Variants in TASP1 observed in about 807,000 individuals in gnomAD.
TASP1 encodes threonine aspartase 1.
TASP1 carries 16 observed loss-of-function variants against 56.6 expected under a neutral mutation model. That is an observed-to-expected ratio of 0.28 (90% CI 0.19 to 0.43). The LOEUF is 0.43. TASP1 is among the 20% of genes least tolerant of loss of function. The pLI is 1.00. For synonymous variants in TASP1, 179 were observed against 184.2 expected, an observed-to-expected ratio of 0.97 and a Z score of 0.23; for missense variants, 393 against 511.6, an observed-to-expected ratio of 0.77 and a Z score of 2.24.
At chr20:13,217,578 C>A in the TASP1 span, among the ~76,000 whole-genome samples, 4 of 152,040 alleles carry the variant, frequency 2.6e-5, no homozygotes, top group Non-Finnish European at 5.9e-5. Context: ...TAATGAAAGA[C>A]AAAATCTACG....
At chr20:13,617,114 G>C (rs1448671017) in intron 4 of TASP1, 1 of 454,238 alleles carries the variant, frequency 2.2e-6, no homozygotes, top group Non-Finnish European at 4.4e-6. Flanking sequence ...GTGTAACTGT[G>C]TGTGTACACC....
Position 13,629,930 on chromosome 20 carries a change from T to A in TASP1, c.145+4A>T. The A allele has an allele frequency of 1.2e-6, 2 of 1,613,378 alleles. No homozygotes were observed. Among genetic ancestry groups the A allele is most frequent in the Non-Finnish European group, 1.7e-6 (2 of 1,179,734 alleles). On this transcript the variant is annotated splice_donor_region_variant and intron_variant, in intron 2 of 13. Transcript: ENST00000337743. ...GCATCTTCCAAGCCATCCACAAAGC[T>A]TACCTGCATGCACCAACACAAAGCC... is the stretch of plus-strand genomic sequence containing the variant.
chr20:13,479,896 C>T (rs2043078028), intron 11 of TASP1, among the ~76,000 whole-genome samples: 1 of 152,086 alleles, frequency 6.6e-6, no homozygotes, highest in Non-Finnish European at 1.5e-5. Context: ...CGTATTTGCC[C>T]CCTCCTTTTA....
chr20:13,603,667 C>A (rs1320992402), intron 4 of TASP1, among the ~76,000 whole-genome samples: 1 of 152,156 alleles, frequency 6.6e-6, no homozygotes, highest in Non-Finnish European at 1.5e-5. Flanking sequence ...CCATACATAA[C>A]GCAGTAAGAC....
At chr20:13,469,647 G>A (rs1389293538) in intron 11 of TASP1, among the ~76,000 whole-genome samples, 1 of 152,042 alleles carries the variant, frequency 6.6e-6, no homozygotes, top group Non-Finnish European at 1.5e-5. Context: ...GTCAAAGAAG[G>A]TTAACTTCTG....
the TASP1 span, among the ~76,000 whole-genome samples, chr20:13,382,258 T>C: frequency 6.6e-6 from 1 of 152,232 alleles, no homozygotes; most frequent in African/African-American, 2.4e-5. Flanking sequence ...TGTTTTATGC[T>C]CTTAGAACAT....
chr20:13,323,459 C>A, the TASP1 span, among the ~76,000 whole-genome samples: 837 of 152,258 alleles, frequency 5.5e-3, 9 homozygotes, highest in African/African-American at 0.018. Context: ...AAGAACTCAG[C>A]CCTATTCCTT....
chr20:13,449,963 T>A (rs2043555400), intron 11 of TASP1, among the ~76,000 whole-genome samples: 1 of 152,086 alleles, frequency 6.6e-6, no homozygotes, highest in South Asian at 2.1e-4. Flanking sequence ...CTTCTCTATA[T>A]AAAGGCATAC....
the TASP1 span, among the ~76,000 whole-genome samples, chr20:13,151,455 A>G: frequency 6.6e-6 from 1 of 152,338 alleles, no homozygotes; most frequent in South Asian, 2.1e-4. Context: ...TCCCTAAGAA[A>G]GAACAATAAG....
the TASP1 span, among the ~76,000 whole-genome samples, chr20:13,203,580 AAATT>A: frequency 4.6e-5 from 7 of 152,246 alleles, no homozygotes; most frequent in Admixed American, 6.5e-5. Flanking sequence ...ATTAATGGAT[AAATT>A]AATTAATTAA....
chr20:13,527,718 C>G (rs939206384), intron 10 of TASP1, among the ~76,000 whole-genome samples: 1 of 151,980 alleles, frequency 6.6e-6, no homozygotes, highest in Non-Finnish European at 1.5e-5. Flanking sequence ...AAGTGTCGTT[C>G]AAGGACTGAA....
At chr20:13,420,133 T>A (rs2042385540) in intron 12 of TASP1, among the ~76,000 whole-genome samples, 2 of 152,176 alleles carry the variant, frequency 1.3e-5, no homozygotes, top group Non-Finnish European at 2.9e-5. Context: ...AGAAAAATCA[T>A]AAAAATATAG....
chr20:13,449,158 C>T (rs747841597), intron 11 of TASP1, among the ~76,000 whole-genome samples: 3 of 151,984 alleles, frequency 2.0e-5, no homozygotes. Flanking sequence ...CCGAGCAATG[C>T]CTTTTGCTTC....
the TASP1 span, chr20:13,164,440 C>T: frequency 1.4e-5 from 7 of 495,120 alleles, no homozygotes; most frequent in East Asian, 4.2e-4. Context: ...ATATAAGTCA[C>T]TACATTTTAA....
intron 9 of TASP1, 44 bp downstream of exon 9, chr20:13,533,978 G>A: frequency 8.3e-6 from 13 of 1,570,076 alleles, no homozygotes; most frequent in Non-Finnish European, 1.0e-5. Context: ...AAAATTCCAT[G>A]CTTTACTTTG....
At chr20:13,504,226 G>T (rs928362820) in intron 10 of TASP1, among the ~76,000 whole-genome samples, 1 of 151,708 alleles carries the variant, frequency 6.6e-6, no homozygotes, top group Non-Finnish European at 1.5e-5. Context: ...TCACATACAA[G>T]AAAATTCCCA....
the TASP1 span, among the ~76,000 whole-genome samples, chr20:13,264,889 G>A: frequency 6.6e-6 from 1 of 152,160 alleles, no homozygotes; most frequent in South Asian, 2.1e-4. Context: ...ATGAGAATGA[G>A]GAAGGAGGGA....
rs2041217544 is a variant in TASP1 at position 13,390,139 on chromosome 20, TGCGCACATAC to T, written c.*211_*220del. 2 of 499,890 alleles carry T rather than the reference TGCGCACATAC, an allele frequency of 4.0e-6. No individual in the cohort carries two copies. The highest frequency in any genetic ancestry group is 7.3e-6 in the Non-Finnish European group (2 of 272,764). 31.0% of individuals were successfully genotyped at this position (499,890 alleles called of 1,614,324 possible). On this transcript the variant is annotated 3_prime_UTR_variant, in exon 14 of 14. Transcript: ENST00000337743. Reference sequence around the variant, plus strand: ...CACATACTCCACACATACACATATGTGCGCACATACGCGCACACACTCACACACAGTCCCG... The same window carrying T: ...CACATACTCCACACATACACATATGTGCGCACACACTCACACACAGTCCCG...
chr20:13,178,574 G>C, the TASP1 span, among the ~76,000 whole-genome samples: 1 of 151,736 alleles, frequency 6.6e-6, no homozygotes, highest in Non-Finnish European at 1.5e-5. Context: ...CCATCAAAAA[G>C]AATGAAATCC....
Sources: allele counts gnomAD v4.1 joint callset (sites outside exome capture counted in the v4.1 genomes callset), GRCh38; gene constraint gnomAD v4.1.1; transcripts MANE v1.5; gene names NCBI Gene and HGNC (gene_info 2026-07-23, HGNC 2026-07-21).